The following CTNNA2 variants were observed in gnomAD, a reference collection of about 807,000 sequenced individuals.
CTNNA2 encodes catenin alpha 2, also known as catenin alpha-2.
Under a neutral mutation model 101.0 loss-of-function variants are expected in CTNNA2, and 42 were observed. That is an observed-to-expected ratio of 0.42 (90% CI 0.32 to 0.54). The LOEUF (loss-of-function observed/expected upper bound fraction) is 0.54, where lower values mean the gene tolerates loss of function less well. Ranked by LOEUF, CTNNA2 falls within the 20% of genes least tolerant of loss-of-function variation. CTNNA2 has a pLI of 0.14. For synonymous variants in CTNNA2, 450 were observed against 456.4 expected, an observed-to-expected ratio of 0.99 and a Z score of 0.18; for missense variants, 871 against 1,223.1, an observed-to-expected ratio of 0.71 and a Z score of 4.29.
intron 3 of CTNNA2, among the ~76,000 whole-genome samples, chr2:79,356,400 T>C (rs1382896030): frequency 2.6e-5 from 4 of 152,192 alleles, no homozygotes; most frequent in African/African-American, 9.7e-5. Flanking sequence ...TTTTGTAGTT[T>C]GCATTCTTGC....
At chr2:80,043,694 T>A (rs1279969895) in intron 7 of CTNNA2, among the ~76,000 whole-genome samples, 1 of 152,242 alleles carries the variant, frequency 6.6e-6, no homozygotes, top group Non-Finnish European at 1.5e-5. Context: ...GAATTGAATA[T>A]GATGTCATAC....
Position 80,555,853 on chromosome 2 carries a change from T to C in CTNNA2, c.1701T>C (p.Thr567=), listed in dbSNP as rs1159525831. Residue 567 remains threonine, a synonymous_variant, in exon 12 of 19, where the codon ACT becomes ACC. Transcript: ENST00000402739. The part of the protein sequence containing the change: ...EMENYEAGVY[T]EKVLEATKLL... ...AGAACTATGAAGCTGGGGTTTATAC[T>C]GAGAAGGTGTTGGAAGCTACAAAAT... 2 of 1,580,820 alleles carry C rather than the reference T, an allele frequency of 1.3e-6. No homozygotes were observed. Among genetic ancestry groups the C allele is most frequent in the Non-Finnish European group, 1.7e-6 (2 of 1,163,352 alleles).
intron 3 of CTNNA2, among the ~76,000 whole-genome samples, chr2:79,780,512 T>C (rs1440331861): frequency 6.6e-6 from 1 of 152,158 alleles, no homozygotes; most frequent in Non-Finnish European, 1.5e-5. Context: ...AAAGGAAGGA[T>C]TCTCTTTCCC....
chr2:79,585,446 T>TATA lies in CTNNA2; in HGVS notation c.-5-66104_-5-66103insAAT, dbSNP rs1422012817. ...TCCTATTTCTGAGTTTACTTTATAG[T>TATA]ATTTCTGGAATAAAATTTAGCTATT... On this transcript the variant is annotated intron_variant, in intron 1 of 18. Transcript: ENST00000402739. 2.0e-5 allele frequency among the ~76,000 whole-genome samples: 3 copies of TATA among 152,002 alleles called. No homozygotes were observed. The East Asian group carries it at 5.8e-4, about 29-fold the overall frequency.
rs147479859 is a variant in CTNNA2, at chr2:79,503,060, C to T, written c.-134-1994C>T. ...AGGTCCAGCTCATATCCCGATATGGCACTATTCCTTGGGGAGACCAGGCAA... is the reference window on the plus strand; with the variant it reads ...AGGTCCAGCTCATATCCCGATATGGTACTATTCCTTGGGGAGACCAGGCAA... On this transcript the variant is annotated intron_variant, in intron 4 of 21. Coordinates refer to the CTNNA2 transcript ENST00000466387. Among the ~76,000 whole-genome samples, 82 of 152,266 alleles carry T rather than the reference C, an allele frequency of 5.4e-4. 1 individual carries two copies. The highest frequency in any genetic ancestry group is 1.9e-3 in the African/African-American group (79 of 41,552).
chr2:80,092,710 C>T (rs6759336), intron 7 of CTNNA2, among the ~76,000 whole-genome samples: 2 of 152,126 alleles, frequency 1.3e-5, no homozygotes, highest in Non-Finnish European at 2.9e-5. Context: ...GTAGCAGCCA[C>T]TGCTTACTGG....
rs538030186 is a variant in CTNNA2 at position 79,278,453 on chromosome 2, A to C, written c.-405-34256A>C. 2.9e-4 allele frequency among the ~76,000 whole-genome samples: 44 copies of C among 152,190 alleles called. 1 individual carries two copies. The South Asian group carries it at 6.0e-3, about 21-fold the overall frequency. On this transcript the variant is annotated intron_variant, in intron 2 of 21. Coordinates refer to the CTNNA2 transcript ENST00000466387. ...TGTATTGTAGGGACAGCAAAAGCAT[A>C]GCTTCAGGCCAGCAAGAGAGAGGGC...
At chr2:79,467,779 G>A (rs1171699247) in intron 4 of CTNNA2, among the ~76,000 whole-genome samples, 6 of 152,202 alleles carry the variant, frequency 3.9e-5, no homozygotes, top group Admixed American at 2.0e-4. Flanking sequence ...GGCAAACTAA[G>A]CTTCATAAGT....
chr2:79,596,736 C>G (rs138393328), intron 1 of CTNNA2, among the ~76,000 whole-genome samples: 1 of 152,190 alleles, frequency 6.6e-6, no homozygotes, highest in Non-Finnish European at 1.5e-5. Context: ...CTCTAAAACT[C>G]CTTCAAAGAG....
chr2:79,514,055 G>A (rs776940418), intron 1 of CTNNA2, among the ~76,000 whole-genome samples: 1 of 152,154 alleles, frequency 6.6e-6, no homozygotes, highest in Non-Finnish European at 1.5e-5. Flanking sequence ...GAACCCGTGT[G>A]TCCTTGGTCC....
At chr2:79,237,384 A>T (rs1023415039) in intron 2 of CTNNA2, among the ~76,000 whole-genome samples, 2 of 152,204 alleles carry the variant, frequency 1.3e-5, no homozygotes, top group Non-Finnish European at 2.9e-5. Flanking sequence ...TCATTCATTT[A>T]TAAAGCACAG....
intron 7 of CTNNA2, among the ~76,000 whole-genome samples, chr2:80,338,296 CTTTTTCTTTT>C (rs1296143443): frequency 5.6e-5 from 7 of 125,632 alleles, no homozygotes; most frequent in Admixed American, 3.1e-4. Flanking sequence ...GCCTTTTTTT[CTTTTTCTTTT>C]TTTTTTTTTT....
At chr2:79,356,821 A>G (rs919202869) in intron 3 of CTNNA2, among the ~76,000 whole-genome samples, 2 of 152,214 alleles carry the variant, frequency 1.3e-5, no homozygotes, top group Non-Finnish European at 2.9e-5. Flanking sequence ...TACCATGTAT[A>G]TCAAGAAGAA....
intron 7 of CTNNA2, among the ~76,000 whole-genome samples, chr2:80,088,736 T>C (rs1699597773): frequency 6.6e-6 from 1 of 151,966 alleles, no homozygotes; most frequent in South Asian, 2.1e-4. Flanking sequence ...GAAAGAAGGA[T>C]TGAAAGGTGA....
At chr2:79,966,709 C>T (rs931026445) in intron 7 of CTNNA2, among the ~76,000 whole-genome samples, 33 of 152,206 alleles carry the variant, frequency 2.2e-4, no homozygotes, top group Admixed American at 1.4e-3. Flanking sequence ...TTGCTCTTTT[C>T]AAAGCATCAG....
intron 7 of CTNNA2, among the ~76,000 whole-genome samples, chr2:80,110,374 C>T (rs1282239647): frequency 6.6e-6 from 1 of 151,984 alleles, no homozygotes; most frequent in Non-Finnish European, 1.5e-5. Context: ...GTAATTTTTT[C>T]AGTTATGTAG....
chr2:80,470,991 A>C (rs929233139), intron 9 of CTNNA2, among the ~76,000 whole-genome samples: 2 of 152,104 alleles, frequency 1.3e-5, no homozygotes, highest in African/African-American at 2.4e-5. Flanking sequence ...AGCCCAGAAG[A>C]CAACATGTGG....
At chr2:80,001,381 C>G (rs74754711) in intron 7 of CTNNA2, among the ~76,000 whole-genome samples, 4,375 of 152,222 alleles carry the variant, frequency 0.029, 93 homozygotes, top group East Asian at 0.1. Flanking sequence ...TTGAAGTTAG[C>G]TATGAATTAA....
chr2:79,213,500 C>A (rs565356036), intron 2 of CTNNA2, among the ~76,000 whole-genome samples: 1 of 152,220 alleles, frequency 6.6e-6, no homozygotes, highest in South Asian at 2.1e-4. Flanking sequence ...TGGAGGAGAG[C>A]AGAGCAGTAG....
Sources: allele counts gnomAD v4.1 joint callset (sites outside exome capture counted in the v4.1 genomes callset), GRCh38; gene constraint gnomAD v4.1.1; transcripts MANE v1.5; gene names NCBI Gene and HGNC (gene_info 2026-07-23, HGNC 2026-07-21).